The following LINC00632 variants were observed in gnomAD, a reference collection of about 807,000 sequenced individuals.
LINC00632 encodes ALDOA related specific transcript.
chrX:140,742,461 A>G (rs1931238560), intron 3 of LINC00632, among the ~76,000 whole-genome samples: 1 of 111,493 alleles, frequency 9.0e-6, no homozygotes, highest in Non-Finnish European at 1.9e-5. Flanking sequence ...TTAGATTTGT[A>G]CATTGAATCC....
At chrX:140,772,142 C>G (rs1220690082) in exon 4 of LINC00632, 1 of 293,768 alleles carries the variant, frequency 3.4e-6, no homozygotes, top group Non-Finnish European at 5.9e-6. Flanking sequence ...GATCGCTTCA[C>G]AACTGCAAGT....
intron 3 of LINC00632, among the ~76,000 whole-genome samples, chrX:140,770,429 G>T: frequency 8.9e-6 from 1 of 111,911 alleles, no homozygotes; most frequent in Middle Eastern, 4.6e-3. Flanking sequence ...AGCCAGGTGT[G>T]GTGGCTCACG....
intron 2 of LINC00632, among the ~76,000 whole-genome samples, chrX:140,720,884 A>G (rs978308041): frequency 6.3e-5 from 7 of 111,631 alleles, no homozygotes; most frequent in African/African-American, 2.0e-4. Flanking sequence ...CCCACGATGC[A>G]CAGACATGCC....
At chrX:140,735,691 C>G (rs1486650128) in intron 3 of LINC00632, among the ~76,000 whole-genome samples, 1 of 110,848 alleles carries the variant, frequency 9.0e-6, no homozygotes, top group Non-Finnish European at 1.9e-5. Flanking sequence ...CTCAGCCTCC[C>G]AAGTAGCTGG....
exon 5 of LINC00632, among the ~76,000 whole-genome samples, chrX:140,787,797 C>CA: frequency 9.1e-6 from 1 of 110,264 alleles, no homozygotes; most frequent in South Asian, 3.8e-4. Flanking sequence ...AAATAGGTCA[C>CA]AAAAAATACG....
intron 3 of LINC00632, among the ~76,000 whole-genome samples, chrX:140,761,532 T>C (rs1271558057): frequency 2.7e-5 from 3 of 112,651 alleles, no homozygotes; most frequent in East Asian, 5.6e-4. Flanking sequence ...AACGTTGTTT[T>C]GTAGGTTCAA....
intron 3 of LINC00632, among the ~76,000 whole-genome samples, chrX:140,761,843 T>C (rs1188355519): frequency 8.9e-6 from 1 of 112,122 alleles, no homozygotes; most frequent in Non-Finnish European, 1.9e-5. Flanking sequence ...CAAGGGAGTT[T>C]CCCAAAATAA....
chrX:140,719,216 C>G (rs1372374727), intron 2 of LINC00632, among the ~76,000 whole-genome samples: 1 of 111,887 alleles, frequency 8.9e-6, no homozygotes, highest in African/African-American at 3.2e-5. Context: ...CCATAACACA[C>G]AGACTTGCTC....
chrX:140,739,400 TA>T (rs764102565), intron 3 of LINC00632, among the ~76,000 whole-genome samples: 2 of 109,740 alleles, frequency 1.8e-5, no homozygotes, highest in Non-Finnish European at 3.8e-5. Context: ...TTTGGATTTT[TA>T]GTAGAGATGG....
exon 5 of LINC00632, chrX:140,783,877 C>A: frequency 8.3e-7 from 1 of 1,209,695 alleles, no homozygotes; most frequent in Non-Finnish European, 1.1e-6. Flanking sequence ...CCCAACAATC[C>A]AAGTCTTCCG....
intron 2 of LINC00632, among the ~76,000 whole-genome samples, chrX:140,728,075 T>C (rs1215329172): frequency 9.1e-6 from 1 of 110,101 alleles, no homozygotes; most frequent in East Asian, 2.9e-4. Flanking sequence ...ACCCCATCTC[T>C]ACTAAAAATA....
chrX:140,712,188 A>T (rs1464224907), intron 2 of LINC00632: 2 of 110,134 alleles, frequency 1.8e-5, no homozygotes, highest in Non-Finnish European at 3.8e-5. Flanking sequence ...CGTTTCAAAA[A>T]TCCTAGGCAC....
chrX:140,768,517 A>G (rs1451601696), intron 3 of LINC00632, among the ~76,000 whole-genome samples: 2 of 102,701 alleles, frequency 1.9e-5, no homozygotes, highest in Non-Finnish European at 3.9e-5. Context: ...GAATTAATCA[A>G]TGATGTAATA....
chrX:140,788,911 ATATGTGTGTG>A (rs1350329564), exon 5 of LINC00632, among the ~76,000 whole-genome samples: 1 of 20,465 alleles, frequency 4.9e-5, no homozygotes, highest in South Asian at 2.4e-3. Context: ...GTATATATAT[ATATGTGTGTG>A]TGTGTGTGTG....
intron 3 of LINC00632, among the ~76,000 whole-genome samples, chrX:140,770,494 G>A (rs1002701255): frequency 1.8e-5 from 2 of 111,917 alleles, no homozygotes; most frequent in Non-Finnish European, 3.8e-5. Context: ...CCAAGATCAC[G>A]CCACTGCACT....
chrX:140,716,706 C>T (rs1376159443), intron 2 of LINC00632, among the ~76,000 whole-genome samples: 1 of 108,324 alleles, frequency 9.2e-6, no homozygotes, highest in Non-Finnish European at 1.9e-5. Flanking sequence ...TATAACACAT[C>T]CCACAATACC....
chrX:140,715,852 C>G (rs1182111328), intron 2 of LINC00632, among the ~76,000 whole-genome samples: 4 of 111,386 alleles, frequency 3.6e-5, no homozygotes, highest in African/African-American at 9.8e-5. Context: ...CCTCACAACT[C>G]ACACAAACAC....
At position 140,731,565 on chromosome X, in the gene LINC00632, C is replaced by T. The variant is rs894640903; in HGVS notation, n.105-2313C>T. Among the ~76,000 whole-genome samples the T allele has an allele frequency of 6.3e-5, 7 of 111,838 alleles. No individual in the cohort carries two copies. In the East Asian group the frequency reaches 1.4e-3, roughly 22 times the overall value. ...TGGGGATGATGGTGTTCCCTGCCTT[C>T]GAGGCTGTTGTAAGGATTAAATGAT... On this transcript the variant is annotated intron_variant and non_coding_transcript_variant, in intron 2 of 4. Transcript: ENST00000648200.
chrX:140,739,998 G>T (rs1931199972), intron 3 of LINC00632, among the ~76,000 whole-genome samples: 1 of 111,865 alleles, frequency 8.9e-6, no homozygotes, highest in South Asian at 3.7e-4. Context: ...AATTTTATCA[G>T]AGTCCTCTTA....
Sources: allele counts gnomAD v4.1 joint callset (sites outside exome capture counted in the v4.1 genomes callset), GRCh38; gene constraint gnomAD v4.1.1; transcripts MANE v1.5; gene names NCBI Gene and HGNC (gene_info 2026-07-23, HGNC 2026-07-21).